OSBPL1A: variants seen among roughly 807,000 people sequenced by gnomAD.
OSBPL1A encodes oxysterol binding protein like 1A.
In OSBPL1A, 80 loss-of-function variants were observed where a neutral mutation model predicts 137.1. That is an observed-to-expected ratio of 0.58 (90% CI 0.49 to 0.70). OSBPL1A has a LOEUF of 0.70. Ranked by LOEUF, OSBPL1A falls within the 30% of genes least tolerant of loss-of-function variation. The probability of loss-of-function intolerance (pLI) is 0.00; values close to 1 mark genes in which losing one functional copy is unlikely to be tolerated. For missense variants in OSBPL1A, 970 were observed against 1,129.4 expected (o/e 0.86, Z 2.02); for synonymous variants, 365 against 389.7 (o/e 0.94, Z 0.75).
intron 11 of OSBPL1A, among the ~76,000 whole-genome samples, chr18:24,316,310 C>A (rs1472202983): frequency 6.6e-6 from 1 of 151,830 alleles, no homozygotes. Context: ...AATTACCTGA[C>A]ATATGAAGAA....
intron 15 of OSBPL1A, among the ~76,000 whole-genome samples, chr18:24,247,487 A>G (rs2088934361): frequency 6.6e-6 from 1 of 152,154 alleles, no homozygotes; most frequent in Non-Finnish European, 1.5e-5. Flanking sequence ...TTTGTTTGAG[A>G]CAGGATCTTA....
intron 14 of OSBPL1A, 83 bp downstream of exon 14, chr18:24,303,554 T>C: frequency 1.7e-6 from 2 of 1,143,188 alleles, no homozygotes; most frequent in Non-Finnish European, 2.5e-6. Context: ...AAAAACTGTT[T>C]AAAAATGAAG....
intron 15 of OSBPL1A, among the ~76,000 whole-genome samples, chr18:24,248,448 C>T (rs1054714324): frequency 1.3e-5 from 2 of 152,180 alleles, no homozygotes; most frequent in Non-Finnish European, 2.9e-5. Context: ...TTCTTACAGG[C>T]ATTGCCATCT....
At chr18:24,197,282 G>A (rs1599474817) in intron 17 of OSBPL1A, among the ~76,000 whole-genome samples, 1 of 152,308 alleles carries the variant, frequency 6.6e-6, no homozygotes, top group East Asian at 1.9e-4. Context: ...GTGAGGCGGA[G>A]GTTGCAGTGA....
At chr18:24,343,213 C>A (rs1266369600) in intron 4 of OSBPL1A, among the ~76,000 whole-genome samples, 1 of 151,980 alleles carries the variant, frequency 6.6e-6, no homozygotes, top group Non-Finnish European at 1.5e-5. Context: ...AAAAACAATT[C>A]TATTTATAGT....
At chr18:24,332,003 A>G (rs2091087336) in intron 7 of OSBPL1A, among the ~76,000 whole-genome samples, 1 of 152,140 alleles carries the variant, frequency 6.6e-6, no homozygotes, top group South Asian at 2.1e-4. Flanking sequence ...CCTACTATAA[A>G]CAAATGTCCT....
intron 20 of OSBPL1A, 64 bp downstream of exon 20, chr18:24,179,674 A>G (rs982009468): frequency 6.0e-6 from 8 of 1,326,116 alleles, no homozygotes; most frequent in Admixed American, 1.7e-5. Context: ...GTGATGACCA[A>G]TATGTATGTA....
intron 17 of OSBPL1A, among the ~76,000 whole-genome samples, chr18:24,222,692 A>G (rs1344190061): frequency 6.6e-6 from 1 of 152,186 alleles, no homozygotes; most frequent in African/African-American, 2.4e-5. Context: ...GCTAAAAAAG[A>G]AATTAAAGGT....
intron 4 of OSBPL1A, among the ~76,000 whole-genome samples, chr18:24,348,103 T>C (rs1194431256): frequency 6.6e-6 from 1 of 152,228 alleles, no homozygotes; most frequent in African/African-American, 2.4e-5. Context: ...TGCCCATATG[T>C]GTGGAAATAC....
intron 13 of OSBPL1A, among the ~76,000 whole-genome samples, chr18:24,305,172 A>G (rs2090476677): frequency 2.0e-5 from 3 of 152,256 alleles, no homozygotes; most frequent in African/African-American, 7.2e-5. Context: ...GCATAAAAGT[A>G]AGCAATGGCT....
intron 2 of OSBPL1A, among the ~76,000 whole-genome samples, chr18:24,371,022 T>C (rs1323895599): frequency 6.6e-6 from 1 of 152,156 alleles, no homozygotes; most frequent in African/African-American, 2.4e-5. Context: ...CTTCAATAAA[T>C]TCAGTGTCTA....
rs7243438 is a variant in OSBPL1A, at chr18:24,281,141, A to G, written c.1175-193T>C. ...TGCTCTGTTGCCTAGGCTGGAGTGC[A>G]GTGGTGCAATCTTGGCTCACTGCAA... is the stretch of plus-strand genomic sequence containing the variant. On this transcript the variant is annotated intron_variant, in intron 14 of 27. Coordinates refer to ENST00000319481, the MANE Select transcript of OSBPL1A (RefSeq NM_080597.4). Among the ~76,000 whole-genome samples the G allele has an allele frequency of 5.0e-3, 756 of 152,180 alleles. 7 individuals are homozygous for G. Among genetic ancestry groups the G allele is most frequent in the African/African-American group, 0.017 (722 of 41,516 alleles).
At chr18:24,361,086 G>GT (rs1439951781) in intron 4 of OSBPL1A, among the ~76,000 whole-genome samples, 4 of 152,120 alleles carry the variant, frequency 2.6e-5, no homozygotes, top group Admixed American at 6.5e-5. Flanking sequence ...CTGGAGTGTG[G>GT]TGGCACAACT....
At chr18:24,267,634 C>T (rs1357116955) in intron 15 of OSBPL1A, among the ~76,000 whole-genome samples, 4 of 152,094 alleles carry the variant, frequency 2.6e-5, no homozygotes, top group African/African-American at 7.2e-5. Context: ...GCACTGGAAA[C>T]AGTCCAAATA....
At position 24,256,964 on chromosome 18, in the gene OSBPL1A, C is replaced by CAAAAAAAAAAAAAAAAAAAAAAAAA. The variant is rs201880387; in HGVS notation, c.1282-17607_1282-17583dup. On this transcript the variant is annotated intron_variant, in intron 15 of 27. Transcript: ENST00000319481. ...GCTGATGAAAGAACTGAAGAGGATG[C>CAAAAAAAAAAAAAAAAAAAAAAAAA]AAAAAAAAAAAAAAAAAAAAAAAAA... Among the ~76,000 whole-genome samples the CAAAAAAAAAAAAAAAAAAAAAAAAA allele has an allele frequency of 4.1e-4, 12 of 29,510 alleles. 1 individual carries two copies. The highest frequency in any genetic ancestry group is 4.1e-4 in the Non-Finnish European group (6 of 14,696). The allele number at this position is 29,510 out of a possible 152,430, so 19.4% of individuals were successfully genotyped here.
chr18:24,305,710 T>C lies in OSBPL1A; in HGVS notation c.1093-1992A>G, dbSNP rs531175264. ...CTCACCCAAATCTCACCTTGAATTA[T>C]AGCTCCAATAATCCCCATGTTTTGT... On this transcript the variant is annotated intron_variant, in intron 13 of 27. Transcript: ENST00000319481. Among the ~76,000 whole-genome samples the C allele has an allele frequency of 8.5e-5, 13 of 152,348 alleles. No homozygotes were observed. In the South Asian group the frequency reaches 2.5e-3, roughly 29 times the overall value.
intron 7 of OSBPL1A, among the ~76,000 whole-genome samples, chr18:24,330,811 T>C (rs2091063040): frequency 6.6e-6 from 1 of 151,974 alleles, no homozygotes; most frequent in Non-Finnish European, 1.5e-5. Context: ...TTTCTTTTTT[T>C]TTGAGACAGA....
intron 11 of OSBPL1A, 63 bp downstream of exon 11, chr18:24,317,086 G>A: frequency 6.6e-7 from 1 of 1,505,994 alleles, no homozygotes; most frequent in Non-Finnish European, 9.2e-7. Context: ...AAATGATTTG[G>A]GTCAATCACT....
chr18:24,350,555 G>A (rs1485160180), intron 4 of OSBPL1A, among the ~76,000 whole-genome samples: 4 of 152,012 alleles, frequency 2.6e-5, no homozygotes, highest in African/African-American at 7.3e-5. Flanking sequence ...GCCTCCCAAA[G>A]CACTGCTATT....
Sources: gnomAD v4.1 joint callset for allele counts (sites outside exome capture counted in the v4.1 genomes callset) on GRCh38, gnomAD v4.1.1 for gene constraint, MANE v1.5 for transcripts, NCBI Gene and HGNC (gene_info 2026-07-23, HGNC 2026-07-21) for gene names.